Variants in EIF4G3 observed in about 807,000 individuals in gnomAD.
EIF4G3 encodes the protein eIF-4-gamma 3.
EIF4G3 carries 34 observed loss-of-function variants against 186.4 expected under a neutral mutation model. The ratio of observed to expected loss-of-function variants is 0.18; its 90% CI spans 0.14 to 0.24. The LOEUF is 0.24. Among genes scored for constraint, EIF4G3 ranks in the 10% least tolerant of loss-of-function variants. The pLI is 1.00. For missense variants in EIF4G3, 1,536 were observed against 1,948.5 expected, an observed-to-expected ratio of 0.79 and a Z score of 3.99; for synonymous variants, 673 against 679.5, an observed-to-expected ratio of 0.99 and a Z score of 0.15.
chr1:21,036,759 T>C (rs574201717), intron 4 of EIF4G3, among the ~76,000 whole-genome samples: 9 of 152,066 alleles, frequency 5.9e-5, no homozygotes, highest in Non-Finnish European at 1.0e-4. Context: ...CATGCACCTA[T>C]AGTCTTAGCT....
In EIF4G3 at chr1:20,854,712, TATAAATAAATAA is replaced by T. The variant is rs375345484; in HGVS notation, c.3433+254_3433+265del. Among the ~76,000 whole-genome samples the T allele has an allele frequency of 3.8e-4, 56 of 148,044 alleles. No individual in the cohort carries two copies. The East Asian group carries it at 4.5e-3, about 12-fold the overall frequency. ...AGAGCGGGATCCCATCTCAAAAATA[TATAAATAAATAA>T]ATAAATAAATAAATAAATAAAGGTC... On this transcript the variant is annotated intron_variant, in intron 26 of 36. Coordinates refer to ENST00000602326, the MANE Select transcript of EIF4G3 (RefSeq NM_001391906.1).
chr1:21,078,458 G>T (rs1285563896), intron 3 of EIF4G3, among the ~76,000 whole-genome samples: 3 of 152,180 alleles, frequency 2.0e-5, no homozygotes, highest in Non-Finnish European at 2.9e-5. Context: ...AAGCATGGAA[G>T]GGTGGTGAGA....
At chr1:21,001,126 T>TG in intron 6 of EIF4G3, 73 bp downstream of exon 6, 1 of 463,074 alleles carries the variant, frequency 2.2e-6, no homozygotes, top group South Asian at 1.6e-5. Context: ...AGCCAATAAA[T>TG]GGATGTGGTC....
intron 33 of EIF4G3, among the ~76,000 whole-genome samples, chr1:20,824,397 T>C (rs2063111242): frequency 6.6e-6 from 1 of 152,250 alleles, no homozygotes; most frequent in Non-Finnish European, 1.5e-5. Flanking sequence ...TTTTTCTCCT[T>C]ATTCCTGATT....
At chr1:21,163,993 C>CCAT (rs1558262707) in intron 2 of EIF4G3, among the ~76,000 whole-genome samples, 14 of 152,108 alleles carry the variant, frequency 9.2e-5, no homozygotes, top group African/African-American at 3.1e-4. Context: ...AGGCTGGTCT[C>CCAT]GTACTCCTGA....
intron 4 of EIF4G3, among the ~76,000 whole-genome samples, chr1:21,022,235 T>C (rs2090897558): frequency 6.6e-6 from 1 of 152,242 alleles, no homozygotes; most frequent in Admixed American, 6.5e-5. Context: ...TGGCTGACTA[T>C]ATATCCAGTT....
chr1:20,986,353 T>G (rs547840901), intron 7 of EIF4G3, among the ~76,000 whole-genome samples: 1 of 152,350 alleles, frequency 6.6e-6, no homozygotes, highest in African/African-American at 2.4e-5. Context: ...ATTTAAATCC[T>G]CTTTATACAT....
At chr1:21,009,748 G>A (rs566987251) in intron 4 of EIF4G3, among the ~76,000 whole-genome samples, 6 of 152,076 alleles carry the variant, frequency 3.9e-5, no homozygotes, top group South Asian at 2.1e-4. Flanking sequence ...TCCACCTCCC[G>A]GGTTCAAGGG....
At position 20,959,049 on chromosome 1, in the gene EIF4G3, A is replaced by G. The variant is rs192663942; in HGVS notation, c.715-8938T>C. 4.6e-3 allele frequency among the ~76,000 whole-genome samples: 706 copies of G among 152,264 alleles called. 4 individuals are homozygous for G. Among genetic ancestry groups the G allele is most frequent in the African/African-American group, 0.015 (643 of 41,546 alleles). The stretch of plus-strand genomic sequence containing the variant: ...TCACAGAATCAGAAAAAAAAATCCT[A>G]AAATTCATATGGAACCAAAAAAGGG... On this transcript the variant is annotated intron_variant, in intron 12 of 36. Transcript: ENST00000602326.
chr1:21,089,588 C>T (rs2096112656), intron 2 of EIF4G3, among the ~76,000 whole-genome samples: 2 of 152,046 alleles, frequency 1.3e-5, no homozygotes, highest in Admixed American at 1.3e-4. Flanking sequence ...ATCACTTAAA[C>T]CCCAAGAGTT....
chr1:20,836,336 G>A (rs1429776432), intron 30 of EIF4G3, among the ~76,000 whole-genome samples: 5 of 151,976 alleles, frequency 3.3e-5, no homozygotes, highest in African/African-American at 7.3e-5. Context: ...TTGAACTCCC[G>A]GGCTCAAGCA....
chr1:20,811,036 G>C (rs1292147745), intron 35 of EIF4G3, 152 bp from the exon 36 acceptor site: 1 of 685,442 alleles, frequency 1.5e-6, no homozygotes, highest in Non-Finnish European at 2.3e-6. Context: ...TGCAACCTCC[G>C]TCTCCCAGGT....
chr1:20,846,494 G>A (rs1228219588), intron 29 of EIF4G3, among the ~76,000 whole-genome samples: 2 of 152,120 alleles, frequency 1.3e-5, no homozygotes, highest in African/African-American at 2.4e-5. Context: ...GATACTTCCT[G>A]TCTTCCCTGA....
intron 7 of EIF4G3, among the ~76,000 whole-genome samples, chr1:20,986,886 A>C (rs569381255): frequency 2.0e-5 from 3 of 152,082 alleles, no homozygotes; most frequent in Non-Finnish European, 2.9e-5. Flanking sequence ...ACTTCATTTC[A>C]ATCTGTTTTA....
rs552263277 is a variant in EIF4G3 at position 21,126,591 on chromosome 1, G to C, written c.-271-37378C>G. Among the ~76,000 whole-genome samples, 3 of 151,908 alleles carry C rather than the reference G, an allele frequency of 2.0e-5. No homozygotes were observed. The South Asian group carries it at 6.3e-4, about 32-fold the overall frequency. ...GGATCCCTTGATCCCAGGAGTTTCA[G>C]GTTACAGTGATCTATGACCATGCCA... On this transcript the variant is annotated intron_variant, in intron 2 of 36. Coordinates refer to ENST00000602326, the MANE Select transcript of EIF4G3 (RefSeq NM_001391906.1).
At chr1:20,893,276 G>GA in intron 18 of EIF4G3, 1 of 321,712 alleles carries the variant, frequency 3.1e-6, no homozygotes. Flanking sequence ...CACCTCAATT[G>GA]AAAAAATAGG....
intron 18 of EIF4G3, among the ~76,000 whole-genome samples, chr1:20,891,531 G>C (rs1445490927): frequency 2.0e-5 from 3 of 151,856 alleles, no homozygotes; most frequent in Admixed American, 1.3e-4. Flanking sequence ...CCAGCACTTT[G>C]GGAGGCCGAG....
chr1:20,969,939 T>C (rs1453030173), intron 11 of EIF4G3, among the ~76,000 whole-genome samples: 3 of 152,092 alleles, frequency 2.0e-5, no homozygotes, highest in Non-Finnish European at 4.4e-5. Context: ...TTTTAATATA[T>C]GAAAGTTACT....
chr1:21,074,928 G>A (rs997517452), intron 3 of EIF4G3, among the ~76,000 whole-genome samples: 2 of 152,018 alleles, frequency 1.3e-5, no homozygotes, highest in South Asian at 2.1e-4. Context: ...TAAAGTATTC[G>A]CCGGGGTGGT....
Sources: gnomAD v4.1 joint callset for allele counts (sites outside exome capture counted in the v4.1 genomes callset) on GRCh38, gnomAD v4.1.1 for gene constraint, MANE v1.5 for transcripts, NCBI Gene and HGNC (gene_info 2026-07-23, HGNC 2026-07-21) for gene names.